Variants in DNAI2 observed in about 807,000 individuals in gnomAD.
DNAI2 encodes dynein, axonemal, intermediate polypeptide 2.
Under a neutral mutation model 74.7 loss-of-function variants are expected in DNAI2, and 63 were observed. The observed-to-expected ratio is 0.84, with a 90% CI of 0.69 to 1.04. The LOEUF is 1.04. DNAI2 is among the 50% of genes least tolerant of loss of function. DNAI2 has a pLI of 0.00. For missense variants in DNAI2, 688 were observed against 803.2 expected (o/e 0.86, Z 1.73); for synonymous variants, 289 against 314.9 (o/e 0.92, Z 0.87).
chr17:74,291,104 TCC>T lies in DNAI2; in HGVS notation c.696_697del (p.Leu233GlyfsTer26). ...TTCAACCCCAAAGATTCCCACGTAC[TCC>T]TGGGTGGCTGCTACAATGGACAGAT... is the stretch of plus-strand genomic sequence containing the variant. On this transcript the variant is annotated frameshift_variant, in exon 6 of 14. Coordinates refer to ENST00000311014, the MANE Select transcript of DNAI2 (RefSeq NM_023036.6). LOFTEE classifies it high-confidence loss of function. The T allele has an allele frequency of 6.2e-7, 1 of 1,613,986 alleles. No individual in the cohort carries two copies. Among genetic ancestry groups the T allele is most frequent in the South Asian group, 1.1e-5 (1 of 91,082 alleles).
intron 9 of DNAI2, among the ~76,000 whole-genome samples, chr17:74,306,127 C>A (rs1227991662): frequency 6.6e-6 from 1 of 152,196 alleles, no homozygotes; most frequent in Non-Finnish European, 1.5e-5. Context: ...GGGTGTGAAC[C>A]AAGGAAGCTT....
chr17:74,309,550 G>C (rs748484158), intron 10 of DNAI2, 162 bp downstream of exon 10: 6 of 945,764 alleles, frequency 6.3e-6, no homozygotes, highest in Non-Finnish European at 8.3e-6. Flanking sequence ...GATTGCTTTT[G>C]AGCGTGTGCT....
chr17:74,309,593 CATCCTGGT>C, intron 10 of DNAI2: 1 of 756,734 alleles, frequency 1.3e-6, no homozygotes, highest in Non-Finnish European at 2.3e-6. Flanking sequence ...GGGGATTTGG[CATCCTGGT>C]AGCACAACAG....
In DNAI2 at chr17:74,301,154, T is replaced by A; in HGVS notation, c.973T>A (p.Phe325Ile). The A allele has an allele frequency of 1.2e-6, 2 of 1,613,424 alleles. No homozygotes were observed. Among genetic ancestry groups the A allele is most frequent in the Non-Finnish European group, 1.7e-6 (2 of 1,179,762 alleles). ...ENALGAISLE[F>I]ESTLPTKFMV... ...TGCCTTGGGGGCCATCTCCCTGGAG[T>A]TCGAATCTACTTTGGTGAGTGTCCC... is the stretch of plus-strand genomic sequence containing the variant. The change falls in exon 8 of 14, where the codon TTC (phenylalanine) becomes ATC (isoleucine). Residue 325 changes from phenylalanine (F) to isoleucine (I), a missense_variant. Phe to Ile is a conservative substitution (Grantham distance 21, BLOSUM62 0). Transcript: ENST00000311014.
chr17:74,291,285 C>T (rs1233179920), intron 6 of DNAI2, 152 bp downstream of exon 6: 17 of 641,764 alleles, frequency 2.6e-5, no homozygotes, highest in South Asian at 8.9e-5. Flanking sequence ...CTCAGCCTCC[C>T]GAGTCGCTGA....
intron 12 of DNAI2, chr17:74,313,842 C>G (rs1445997453): frequency 6.4e-6 from 3 of 465,758 alleles, no homozygotes; most frequent in African/African-American, 5.9e-5. Flanking sequence ...GGTGAGGGGG[C>G]CAAGGAGACT....
Position 74,281,922 on chromosome 17 carries a change from T to A in DNAI2, c.105T>A (p.Pro35=). 2 of 1,614,072 alleles carry A rather than the reference T, an allele frequency of 1.2e-6. No homozygotes were observed. Among genetic ancestry groups the A allele is most frequent in the Non-Finnish European group, 1.7e-6 (2 of 1,179,976 alleles). Residue 35 remains proline, a synonymous_variant, in exon 2 of 14, where the codon CCT becomes CCA. Transcript: ENST00000311014. ...TGAACATCGACATCATGCCCAACCC[T>A]GAGCTGGCCGAGCAGTTCGTGGAGC... ...AELNIDIMPN[P]ELAEQFVERN...
In DNAI2 at chr17:74,300,981, G is replaced by A. The variant is rs1598316392; in HGVS notation, c.865-65G>A. ...ACCCCAGGACGGTGGGGTGAGGGCG[G>A]AGAAGGCAAAAGCCAGGGGAAATAC... On this transcript the variant is annotated intron_variant, in intron 7 of 13. Transcript: ENST00000311014. This position sits in a 1 kb window ranked among gnomAD's most constrained non-coding sequence, Gnocchi z 4.5. The A allele has an allele frequency of 1.1e-5, 17 of 1,605,412 alleles. No homozygotes were observed. In the East Asian group the frequency reaches 3.8e-4, roughly 36 times the overall value.
At position 74,312,183 on chromosome 17, in the gene DNAI2, G is replaced by A; in HGVS notation, c.1675G>A (p.Glu559Lys). 1 of 1,610,276 alleles carries A rather than the reference G, an allele frequency of 6.2e-7. No individual in the cohort carries two copies. The part of the protein sequence containing the change: ...EEEFFDIIFA[E>K]LKKKEADAIK... ...GGAGTTCTTCGACATCATCTTCGCA[G>A]AGCTGAAGAAGAAGGAGGCAGACGC... is the stretch of plus-strand genomic sequence containing the variant. Residue 559 changes from glutamate to lysine, a missense_variant, in exon 12 of 14, where the codon GAG becomes AAG. Coordinates refer to ENST00000311014, the MANE Select transcript of DNAI2 (RefSeq NM_023036.6).
chr17:74,302,307 C>T (rs1465060820), intron 8 of DNAI2, among the ~76,000 whole-genome samples: 1 of 152,162 alleles, frequency 6.6e-6, no homozygotes, highest in Non-Finnish European at 1.5e-5. Context: ...GTGGCTCACA[C>T]CTGTAATCCC....
chr17:74,297,689 CTTT>C (rs779803968), intron 6 of DNAI2, among the ~76,000 whole-genome samples: 2 of 143,954 alleles, frequency 1.4e-5, no homozygotes, highest in Admixed American at 7.0e-5. Context: ...GCCCAAACTG[CTTT>C]TTTTTTTTTT....
intron 6 of DNAI2, among the ~76,000 whole-genome samples, chr17:74,297,690 T>C (rs77043505): frequency 2.9e-5 from 4 of 140,148 alleles, no homozygotes; most frequent in Non-Finnish European, 6.3e-5. Flanking sequence ...CCCAAACTGC[T>C]TTTTTTTTTT....
At chr17:74,309,630 T>A in intron 10 of DNAI2, 1 of 705,470 alleles carries the variant, frequency 1.4e-6, no homozygotes, top group Non-Finnish European at 2.5e-6. Context: ...GGGGGAAATT[T>A]AAAAAGAAAC....
chr17:74,291,881 T>G (rs2052128437), intron 6 of DNAI2, among the ~76,000 whole-genome samples: 1 of 151,768 alleles, frequency 6.6e-6, no homozygotes, highest in Non-Finnish European at 1.5e-5. Flanking sequence ...TTTTTTTTTT[T>G]GAGATGGAGT....
In DNAI2 at chr17:74,287,020, A is replaced by G. The variant is rs1362348207; in HGVS notation, c.389A>G (p.Tyr130Cys). The G allele has an allele frequency of 1.9e-6, 3 of 1,613,740 alleles. No homozygotes were observed. Among genetic ancestry groups the G allele is most frequent in the Admixed American group, 1.7e-5 (1 of 59,986 alleles). The part of the protein sequence containing the change: ...CIKQNNAIDI[Y>C]EEYFNDEEAM... ...AAGCAGAACAATGCCATTGACATCT[A>G]TGAAGAGTATTTCAATGACGAGGAG... The change falls in exon 4 of 14, where the codon TAT (tyrosine) becomes TGT (cysteine). Residue 130 changes from tyrosine to cysteine, a missense_variant. Transcript: ENST00000311014.
rs530440812 is a variant in DNAI2 at position 74,282,061 on chromosome 17, G to A, written c.183+61G>A. ...TGTGGCCAGGCAGGGCGGCCAGCTG[G>A]GGCCGGTGAGTGGTTCTGTGGGTCC... On this transcript the variant is annotated intron_variant, in intron 2 of 13. Transcript: ENST00000311014. 11 of 1,596,044 alleles carry A rather than the reference G, an allele frequency of 6.9e-6. No individual in the cohort carries two copies. The Admixed American group carries it at 1.5e-4, about 22-fold the overall frequency.
intron 6 of DNAI2, among the ~76,000 whole-genome samples, chr17:74,298,514 C>T (rs2144018006): frequency 6.6e-6 from 1 of 152,102 alleles, no homozygotes; most frequent in Admixed American, 6.5e-5. Context: ...ATCATGTTGG[C>T]CAGGCTGGTC....
chr17:74,305,964 G>T (rs559342379), intron 9 of DNAI2, among the ~76,000 whole-genome samples: 9 of 152,278 alleles, frequency 5.9e-5, no homozygotes, highest in African/African-American at 1.9e-4. Context: ...GAGCCACCGC[G>T]TCTGGCTGGC....
At chr17:74,299,335 C>T (rs1369251754) in intron 6 of DNAI2, among the ~76,000 whole-genome samples, 2 of 152,150 alleles carry the variant, frequency 1.3e-5, no homozygotes, top group Non-Finnish European at 2.9e-5. Context: ...TCTCCTCTCG[C>T]CTGGCTCCCT....
Sources: gnomAD v4.1 joint callset for allele counts (sites outside exome capture counted in the v4.1 genomes callset) on GRCh38, gnomAD v4.1.1 for gene constraint, Gnocchi (gnomAD v3.1) non-coding constraint, MANE v1.5 for transcripts, NCBI Gene and HGNC (gene_info 2026-07-23, HGNC 2026-07-21) for gene names.